Variants in SYTL4 observed in about 807,000 individuals in gnomAD.
SYTL4 encodes the protein synaptotagmin-like protein 4.
A neutral mutation model predicts 52.7 loss-of-function variants in SYTL4; 16 were observed. The ratio of observed to expected loss-of-function variants is 0.30; its 90% confidence interval spans 0.21 to 0.46. The LOEUF is 0.46. SYTL4 is among the 20% of genes least tolerant of loss of function. The pLI, the probability that SYTL4 is intolerant of heterozygous loss-of-function variation, is 1.00. For missense variants in SYTL4, 423 were observed against 519.9 expected, an observed-to-expected ratio of 0.81 and a Z score of 1.81; for synonymous variants, 160 against 186.6, an observed-to-expected ratio of 0.86 and a Z score of 1.16.
intron 9 of SYTL4, 71 bp from the exon 10 acceptor site, chrX:100,690,709 C>A: frequency 1.2e-6 from 1 of 846,330 alleles, no homozygotes; most frequent in Non-Finnish European, 1.7e-6. Context: ...GATCAAAGCT[C>A]TATGGAAGGA....
chrX:100,685,171 G>C (rs190469655), intron 16 of SYTL4: 2 of 111,639 alleles, frequency 1.8e-5, no homozygotes, highest in Non-Finnish European at 3.8e-5. Flanking sequence ...CTTAAAAAGG[G>C]GATATAGAGA....
At chrX:100,699,655 A>ATTTT (rs917491538) in intron 8 of SYTL4, among the ~76,000 whole-genome samples, 1 of 71,738 alleles carries the variant, frequency 1.4e-5, no homozygotes, top group African/African-American at 5.4e-5. Flanking sequence ...CACCTGGCTA[A>ATTTT]TTTTTTTTTT....
intron 12 of SYTL4, 98 bp from the exon 13 acceptor site, chrX:100,688,541 G>A: frequency 1.7e-6 from 1 of 593,981 alleles, no homozygotes; most frequent in Non-Finnish European, 2.5e-6. Flanking sequence ...GTTGCCATGT[G>A]TATGTGTACG....
At chrX:100,725,797 G>A (rs944182422) in intron 2 of SYTL4, among the ~76,000 whole-genome samples, 18 of 111,141 alleles carry the variant, frequency 1.6e-4, no homozygotes, top group Admixed American at 1.2e-3. Context: ...TTGGTGCAAC[G>A]TAAATCCTCA....
chrX:100,706,398 C>A (rs1397263376), intron 2 of SYTL4, among the ~76,000 whole-genome samples: 5 of 112,310 alleles, frequency 4.5e-5, no homozygotes. Flanking sequence ...CCATCACTTG[C>A]CAATCTGACT....
chrX:100,704,020 GA>G (rs1440677532), intron 3 of SYTL4, among the ~76,000 whole-genome samples: 4 of 112,380 alleles, frequency 3.6e-5, no homozygotes, highest in African/African-American at 1.3e-4. Flanking sequence ...TCTCAAAAAA[GA>G]AAACAATACA....
chrX:100,717,732 T>C (rs2147813518), intron 2 of SYTL4, among the ~76,000 whole-genome samples: 1 of 111,758 alleles, frequency 8.9e-6, no homozygotes, highest in Non-Finnish European at 1.9e-5. Flanking sequence ...AGGGGAAAGA[T>C]AACAAGAGCC....
At chrX:100,690,992 G>A in intron 9 of SYTL4, 116 bp downstream of exon 9, 1 of 550,603 alleles carries the variant, frequency 1.8e-6, no homozygotes, top group South Asian at 2.8e-5. Flanking sequence ...CTTCTGTTGA[G>A]GACAGAGAAA....
intron 2 of SYTL4, among the ~76,000 whole-genome samples, chrX:100,713,981 A>G (rs894953948): frequency 1.8e-5 from 2 of 111,339 alleles, no homozygotes; most frequent in Non-Finnish European, 3.8e-5. Flanking sequence ...AGGGACAAGA[A>G]GGAAGGATTA....
chrX:100,687,600 C>A, intron 13 of SYTL4: 1 of 164,679 alleles, frequency 6.1e-6, no homozygotes, highest in Non-Finnish European at 1.1e-5. Context: ...AAAACACCAG[C>A]TAGAAGGGGG....
At chrX:100,676,271 G>A in intron 19 of SYTL4, 95 bp from the exon 20 acceptor site, 2 of 974,057 alleles carry the variant, frequency 2.1e-6, no homozygotes, top group Non-Finnish European at 2.9e-6. Context: ...CCCCATAACA[G>A]TTTCCTACGA....
chrX:100,717,536 G>A (rs923356701), intron 2 of SYTL4, among the ~76,000 whole-genome samples: 7 of 113,170 alleles, frequency 6.2e-5, no homozygotes, highest in African/African-American at 1.3e-4. Flanking sequence ...GGGAGAATGC[G>A]GAAGAGGCAG....
intron 8 of SYTL4, 142 bp from the exon 9 acceptor site, chrX:100,691,351 T>A (rs1360723884): frequency 1.2e-5 from 5 of 412,887 alleles, no homozygotes; most frequent in East Asian, 1.2e-4. Flanking sequence ...TATAATAAAT[T>A]AATTAATTAA....
At chrX:100,695,033 G>A (rs764106219) in intron 8 of SYTL4, among the ~76,000 whole-genome samples, 5 of 32,040 alleles carry the variant, frequency 1.6e-4, no homozygotes, top group South Asian at 2.4e-3. Flanking sequence ...CCCCACCCCC[G>A]CCAAAAAAAC....
At position 100,686,791 on chromosome X, in the gene SYTL4, A is replaced by G. The variant is rs1337543719; in HGVS notation, c.1185-10T>C. 8.4e-7 allele frequency: 1 copy of G among 1,186,432 alleles called. No homozygotes were observed. The highest frequency in any genetic ancestry group is 1.7e-5 in the African/African-American group (1 of 57,272). On this transcript the variant is annotated splice_polypyrimidine_tract_variant and intron_variant, in intron 14 of 19. Coordinates refer to ENST00000372989, the MANE Select transcript of SYTL4 (RefSeq NM_001370165.1). Reference sequence around the variant, plus strand: ...GTAAGTCTTCACATATCTAGAAACCAAAGACAGCACTGAGTAATTTGCTGG... The same window carrying G: ...GTAAGTCTTCACATATCTAGAAACCGAAGACAGCACTGAGTAATTTGCTGG...
At chrX:100,689,103 T>C (rs2083533674) in intron 12 of SYTL4, among the ~76,000 whole-genome samples, 1 of 107,492 alleles carries the variant, frequency 9.3e-6, no homozygotes, top group African/African-American at 3.5e-5. Flanking sequence ...TCAGGCGTGA[T>C]GGCTCATGCC....
chrX:100,726,931 C>T (rs1263725866), intron 2 of SYTL4, among the ~76,000 whole-genome samples: 1 of 110,190 alleles, frequency 9.1e-6, no homozygotes, highest in Non-Finnish European at 1.9e-5. Flanking sequence ...CTTCTCCCAC[C>T]CCTCACCCTT....
At chrX:100,691,753 T>G (rs1485624473) in intron 8 of SYTL4, among the ~76,000 whole-genome samples, 1 of 111,381 alleles carries the variant, frequency 9.0e-6, no homozygotes, top group African/African-American at 3.3e-5. Flanking sequence ...TTAGCCAGGA[T>G]GGTCTCGATC....
chrX:100,678,252 G>A (rs1448329861), intron 19 of SYTL4, 139 bp downstream of exon 19: 5 of 479,325 alleles, frequency 1.0e-5, no homozygotes, highest in Non-Finnish European at 1.8e-5. Flanking sequence ...CACTCAATAA[G>A]TATTGGCTGA....
Sources: allele counts gnomAD v4.1 joint callset (sites outside exome capture counted in the v4.1 genomes callset), GRCh38; gene constraint gnomAD v4.1.1; transcripts MANE v1.5; gene names NCBI Gene and HGNC (gene_info 2026-07-23, HGNC 2026-07-21).